Variants in EPHA6 observed in about 807,000 individuals in gnomAD.
EPHA6 encodes the protein EPH receptor A6.
In EPHA6, 50 loss-of-function variants were observed where a neutral mutation model predicts 112.0. The ratio of observed to expected loss-of-function variants is 0.45; its 90% CI spans 0.36 to 0.56. The LOEUF (loss-of-function observed/expected upper bound fraction) is 0.56. Among genes scored for constraint, EPHA6 ranks in the 20% least tolerant of loss-of-function variants. The pLI is 0.00. For synonymous variants in EPHA6, 529 were observed against 490.7 expected (o/e 1.08, Z -1.03); for missense variants, 1,280 against 1,417.4 (o/e 0.90, Z 1.56).
chr3:97,731,275 G>A (rs2035022836), intron 15 of EPHA6, among the ~76,000 whole-genome samples: 1 of 151,898 alleles, frequency 6.6e-6, no homozygotes, highest in Admixed American at 6.6e-5. Context: ...CCTTCCTAAA[G>A]GACAAAAATC....
At chr3:97,009,939 A>C (rs566825046) in intron 3 of EPHA6, 2 of 503,822 alleles carry the variant, frequency 4.0e-6, no homozygotes, top group East Asian at 1.4e-4. Context: ...TGATGAGAGA[A>C]CCTGGTTACC....
At chr3:97,018,495 C>A (rs942147637) in intron 3 of EPHA6, among the ~76,000 whole-genome samples, 2 of 152,152 alleles carry the variant, frequency 1.3e-5, no homozygotes, top group African/African-American at 4.8e-5. Context: ...GGTAAGGCCA[C>A]GTGGGTCACG....
At chr3:97,355,772 A>G (rs969107846) in intron 5 of EPHA6, among the ~76,000 whole-genome samples, 1 of 152,182 alleles carries the variant, frequency 6.6e-6, no homozygotes, top group Non-Finnish European at 1.5e-5. Flanking sequence ...ACCCAAGATT[A>G]TATTGCCTAC....
chr3:97,543,551 T>C (rs2092899774), intron 11 of EPHA6, among the ~76,000 whole-genome samples: 5 of 152,326 alleles, frequency 3.3e-5, no homozygotes, highest in African/African-American at 1.2e-4. Flanking sequence ...TTTGTTCTTT[T>C]GGCTTAGGAT....
chr3:97,558,582 C>T (rs1248023834), intron 11 of EPHA6, among the ~76,000 whole-genome samples: 1 of 151,908 alleles, frequency 6.6e-6, no homozygotes, highest in Admixed American at 6.6e-5. Flanking sequence ...ATAATTGTCT[C>T]TATGCATGCA....
chr3:96,994,732 T>TATATATATATATAGAGAGAGAGAG (rs1170197805), intron 3 of EPHA6, among the ~76,000 whole-genome samples: 2 of 82,196 alleles, frequency 2.4e-5, no homozygotes, highest in African/African-American at 1.3e-4. Flanking sequence ...TATATATATA[T>TATATATATATATAGAGAGAGAGAG]AGAGAGAGAG....
At chr3:97,440,972 A>G (rs916218746) in intron 6 of EPHA6, among the ~76,000 whole-genome samples, 3 of 152,024 alleles carry the variant, frequency 2.0e-5, no homozygotes, top group African/African-American at 4.8e-5. Flanking sequence ...GAAGATTTGA[A>G]TATAGCGTAA....
At chr3:96,928,213 T>C (rs1000965706) in intron 2 of EPHA6, among the ~76,000 whole-genome samples, 1 of 152,206 alleles carries the variant, frequency 6.6e-6, no homozygotes, top group Non-Finnish European at 1.5e-5. Context: ...TTAGTTGTGA[T>C]GTTAGGTTGT....
Position 96,849,803 on chromosome 3 carries a change from G to A in EPHA6, c.386-17022G>A, listed in dbSNP as rs1576136129. Among the ~76,000 whole-genome samples the A allele has an allele frequency of 2.0e-5, 3 of 152,202 alleles. No homozygotes were observed. The South Asian group carries it at 6.2e-4, about 32-fold the overall frequency. ...GGACTTTGATTTCTCAACTGGTAAGGTGGGATTTGTAATAAGGCCGTTAAA... is the reference window on the plus strand; with the variant it reads ...GGACTTTGATTTCTCAACTGGTAAGATGGGATTTGTAATAAGGCCGTTAAA... On this transcript the variant is annotated intron_variant, in intron 1 of 17. Coordinates refer to ENST00000389672, the MANE Select transcript of EPHA6 (RefSeq NM_001080448.3).
At position 97,004,804 on chromosome 3, in the gene EPHA6, A is replaced by T. The variant is rs564187858; in HGVS notation, c.1114+16811A>T. ...ACATTTAAGTATTTAATCTATCTTGAGTTAATTTTTGTATAAGCTATAAGG... is the reference window on the plus strand; with the variant it reads ...ACATTTAAGTATTTAATCTATCTTGTGTTAATTTTTGTATAAGCTATAAGG... On this transcript the variant is annotated intron_variant, in intron 3 of 17. Coordinates refer to ENST00000389672, the MANE Select transcript of EPHA6 (RefSeq NM_001080448.3). Among the ~76,000 whole-genome samples the T allele has an allele frequency of 1.7e-4, 26 of 152,104 alleles. No homozygotes were observed. The South Asian group carries it at 4.4e-3, about 25-fold the overall frequency.
At chr3:97,395,244 C>G (rs559260945) in intron 5 of EPHA6, among the ~76,000 whole-genome samples, 1 of 151,374 alleles carries the variant, frequency 6.6e-6, no homozygotes, top group African/African-American at 2.4e-5. Flanking sequence ...AAATAGATAA[C>G]AATATATATT....
At chr3:97,133,718 T>C (rs1033258072) in intron 3 of EPHA6, among the ~76,000 whole-genome samples, 35 of 152,158 alleles carry the variant, frequency 2.3e-4, no homozygotes, top group African/African-American at 8.4e-4. Flanking sequence ...TTGTAACTTG[T>C]ATTAAAATAT....
At chr3:96,941,416 C>T (rs2040937848) in intron 2 of EPHA6, among the ~76,000 whole-genome samples, 1 of 152,316 alleles carries the variant, frequency 6.6e-6, no homozygotes, top group African/African-American at 2.4e-5. Context: ...CTGCATTCTT[C>T]ACGTAGTTCT....
intron 2 of EPHA6, among the ~76,000 whole-genome samples, chr3:96,893,507 G>A (rs966432450): frequency 6.6e-6 from 1 of 152,174 alleles, no homozygotes; most frequent in African/African-American, 2.4e-5. Flanking sequence ...AAAGTCAAAA[G>A]TGATTAAGGA....
chr3:97,049,029 A>G (rs1274800800), intron 3 of EPHA6, among the ~76,000 whole-genome samples: 1 of 152,180 alleles, frequency 6.6e-6, no homozygotes, highest in African/African-American at 2.4e-5. Flanking sequence ...TGTTTGAAGG[A>G]ATGGCAAGAA....
At chr3:97,066,569 G>C (rs1159751175) in intron 3 of EPHA6, among the ~76,000 whole-genome samples, 2 of 152,158 alleles carry the variant, frequency 1.3e-5, no homozygotes, top group Admixed American at 1.3e-4. Flanking sequence ...AATGGGATGA[G>C]TTTCTGCTGA....
At chr3:97,119,010 A>AT (rs1369849177) in intron 3 of EPHA6, among the ~76,000 whole-genome samples, 1 of 151,928 alleles carries the variant, frequency 6.6e-6, no homozygotes, top group African/African-American at 2.4e-5. Context: ...AATTTAAGTC[A>AT]TTTTTGTACA....
At chr3:97,404,622 T>C (rs1465013529) in intron 5 of EPHA6, among the ~76,000 whole-genome samples, 1 of 152,118 alleles carries the variant, frequency 6.6e-6, no homozygotes, top group Non-Finnish European at 1.5e-5. Context: ...TAACTTTGTT[T>C]AATGTCACAG....
At chr3:96,894,755 A>T (rs375061143) in intron 2 of EPHA6, among the ~76,000 whole-genome samples, 1 of 152,122 alleles carries the variant, frequency 6.6e-6, no homozygotes, top group East Asian at 1.9e-4. Flanking sequence ...GACCTCTTAT[A>T]GGTGGTTCCT....
Sources: allele counts gnomAD v4.1 joint callset (sites outside exome capture counted in the v4.1 genomes callset), GRCh38; gene constraint gnomAD v4.1.1; transcripts MANE v1.5; gene names NCBI Gene and HGNC (gene_info 2026-07-23, HGNC 2026-07-21).